WDR7: variants seen among roughly 807,000 people sequenced by gnomAD.
WDR7 encodes WD repeat domain 7, also known as WD repeat-containing protein 7.
In WDR7, 46 loss-of-function variants were observed where a neutral mutation model predicts 169.4. The observed-to-expected ratio is 0.27, with a 90% confidence interval of 0.21 to 0.35. WDR7 has a LOEUF of 0.35. WDR7 is among the 10% of genes least tolerant of loss of function. The pLI is 1.00. For synonymous variants in WDR7, 612 were observed against 666.8 expected, an observed-to-expected ratio of 0.92 and a Z score of 1.27; for missense variants, 1,534 against 1,859.3, an observed-to-expected ratio of 0.83 and a Z score of 3.22.
chr18:56,926,233 C>T (rs1255165109), intron 22 of WDR7, among the ~76,000 whole-genome samples: 1 of 152,132 alleles, frequency 6.6e-6, no homozygotes, highest in Non-Finnish European at 1.5e-5. Context: ...AGGCAGCTGG[C>T]CTTTGCATGA....
chr18:57,024,710 C>A, intron 27 of WDR7, among the ~76,000 whole-genome samples: 1 of 145,240 alleles, frequency 6.9e-6, no homozygotes, highest in Non-Finnish European at 1.5e-5. Context: ...TAGTTATGTC[C>A]CTTACAGGAT....
intron 20 of WDR7, among the ~76,000 whole-genome samples, chr18:56,850,260 T>C (rs1367410504): frequency 6.6e-6 from 1 of 152,244 alleles, no homozygotes; most frequent in African/African-American, 2.4e-5. Flanking sequence ...TTATTTTTTT[T>C]ATTTATTTGT....
chr18:56,746,207 A>G (rs2043700514), intron 14 of WDR7, among the ~76,000 whole-genome samples: 1 of 152,220 alleles, frequency 6.6e-6, no homozygotes, highest in African/African-American at 2.4e-5. Flanking sequence ...GTTGAGTACA[A>G]CAGGTAAAAT....
At position 56,781,657 on chromosome 18, in the gene WDR7, G is replaced by GT; in HGVS notation, c.3190+2dup. The GT allele has an allele frequency of 6.3e-7, 1 of 1,589,932 alleles. No individual in the cohort carries two copies. The highest frequency in any genetic ancestry group is 8.6e-7 in the Non-Finnish European group (1 of 1,167,842). Reference sequence around the variant, plus strand: ...CAGTACATAGACCACGTCATATCACGTAAGAGTTCTCATGCTTCTCTACAA... The same window carrying GT: ...CAGTACATAGACCACGTCATATCACGTTAAGAGTTCTCATGCTTCTCTACAA... On this transcript the variant is annotated splice_donor_variant, in intron 19 of 27. Coordinates refer to ENST00000254442, the MANE Select transcript of WDR7 (RefSeq NM_015285.3). LOFTEE classifies it high-confidence loss of function.
intron 1 of WDR7, among the ~76,000 whole-genome samples, chr18:56,661,244 G>C (rs545474408): frequency 1.3e-5 from 2 of 152,178 alleles, no homozygotes; most frequent in Non-Finnish European, 2.9e-5. Context: ...GTCGAAGTTG[G>C]TTCAACCAAA....
At chr18:56,733,870 G>A (rs1194552823) in intron 14 of WDR7, among the ~76,000 whole-genome samples, 1 of 152,164 alleles carries the variant, frequency 6.6e-6, no homozygotes, top group East Asian at 1.9e-4. Flanking sequence ...CTTTTTGAGA[G>A]CAGGGATTTT....
intron 20 of WDR7, among the ~76,000 whole-genome samples, chr18:56,848,446 C>G (rs949037826): frequency 1.3e-5 from 2 of 152,014 alleles, no homozygotes; most frequent in African/African-American, 4.8e-5. Context: ...AATGCTGGAA[C>G]GAGTTAAGAC....
chr18:56,794,304 A>ATTTTTTTCTTTTTTTTTTTTTTTTTT (rs2044544068), intron 19 of WDR7, among the ~76,000 whole-genome samples: 1 of 49,466 alleles, frequency 2.0e-5, no homozygotes, highest in Non-Finnish European at 3.8e-5. Context: ...GGTAAAGTCT[A>ATTTTTTTCTTTTTTTTTTTTTTTTTT]TTTTTTTTTT....
intron 1 of WDR7, among the ~76,000 whole-genome samples, chr18:56,665,682 A>G (rs2025004847): frequency 6.6e-6 from 1 of 152,184 alleles, no homozygotes. Flanking sequence ...AATTATAGAC[A>G]TTTTCAAATA....
At chr18:56,655,434 C>T (rs919586034) in intron 1 of WDR7, among the ~76,000 whole-genome samples, 6 of 152,018 alleles carry the variant, frequency 3.9e-5, no homozygotes, top group African/African-American at 1.4e-4. Flanking sequence ...AGACCAGCAA[C>T]ATGTCAAAAC....
intron 27 of WDR7, among the ~76,000 whole-genome samples, chr18:57,023,738 G>C (rs897231852): frequency 6.6e-6 from 1 of 152,190 alleles, no homozygotes; most frequent in Non-Finnish European, 1.5e-5. Flanking sequence ...ATTGGCATTT[G>C]AGCAAGAGGA....
chr18:56,673,069 C>T (rs761765713), intron 2 of WDR7, among the ~76,000 whole-genome samples: 37 of 151,962 alleles, frequency 2.4e-4, no homozygotes, highest in South Asian at 2.1e-4. Context: ...AATGACTGTG[C>T]CTTTATTGTC....
chr18:56,671,297 T>G (rs1476731673), intron 1 of WDR7, among the ~76,000 whole-genome samples: 14 of 151,814 alleles, frequency 9.2e-5, no homozygotes, highest in Non-Finnish European at 1.6e-4. Flanking sequence ...AAGTGTTTTT[T>G]TTTTTTTTTT....
At chr18:56,937,965 TAAGGAAGTGAAA>T (rs1225880705) in intron 23 of WDR7, among the ~76,000 whole-genome samples, 1 of 152,184 alleles carries the variant, frequency 6.6e-6, no homozygotes, top group Non-Finnish European at 1.5e-5. Flanking sequence ...AAGAAACTCA[TAAGGAAGTGAAA>T]ATCTATGTCC....
intron 14 of WDR7, among the ~76,000 whole-genome samples, chr18:56,747,714 G>A (rs978391367): frequency 6.6e-6 from 1 of 152,182 alleles, no homozygotes; most frequent in African/African-American, 2.4e-5. Context: ...AACACCCCAG[G>A]CAAAGGGAGC....
intron 26 of WDR7, among the ~76,000 whole-genome samples, chr18:56,973,235 A>G (rs564713121): frequency 5.3e-5 from 8 of 152,342 alleles, no homozygotes; most frequent in Non-Finnish European, 8.8e-5. Context: ...ATTTTGCACC[A>G]AGAAAAAATA....
intron 12 of WDR7, among the ~76,000 whole-genome samples, chr18:56,700,436 T>C (rs2025802695): frequency 6.6e-6 from 1 of 151,794 alleles, no homozygotes; most frequent in Non-Finnish European, 1.5e-5. Context: ...TTTGTATTTT[T>C]AGTAGAGACA....
chr18:56,972,196 C>A (rs567421876), intron 26 of WDR7, among the ~76,000 whole-genome samples: 1 of 152,078 alleles, frequency 6.6e-6, no homozygotes, highest in East Asian at 1.9e-4. Context: ...AGCTGATATT[C>A]AAGTCTAAAC....
chr18:57,007,566 T>C (rs2048080177), intron 26 of WDR7, among the ~76,000 whole-genome samples: 1 of 152,200 alleles, frequency 6.6e-6, no homozygotes, highest in Admixed American at 6.5e-5. Context: ...TACTACTTGA[T>C]AAAGGGTTAT....
Sources: allele counts gnomAD v4.1 joint callset (sites outside exome capture counted in the v4.1 genomes callset), GRCh38; gene constraint gnomAD v4.1.1; transcripts MANE v1.5; gene names NCBI Gene and HGNC (gene_info 2026-07-23, HGNC 2026-07-21).